Variants in GPR158 observed in about 807,000 individuals in gnomAD.
The protein encoded by GPR158 is G protein-coupled receptor 158.
Under a neutral mutation model 78.2 loss-of-function variants are expected in GPR158, and 30 were observed. The observed-to-expected ratio is 0.38, with a 90% CI of 0.29 to 0.52. The LOEUF (loss-of-function observed/expected upper bound fraction) is 0.52, where lower values mean the gene tolerates loss of function less well. GPR158 is among the 20% of genes least tolerant of loss of function. The probability of loss-of-function intolerance (pLI) is 0.83; values close to 1 mark genes in which losing one functional copy is unlikely to be tolerated. For synonymous variants in GPR158, 581 were observed against 591.1 expected (o/e 0.98, Z 0.25); for missense variants, 1,463 against 1,523.5 (o/e 0.96, Z 0.66).
At chr10:25,521,819 G>GA (rs913040538) in intron 5 of GPR158, among the ~76,000 whole-genome samples, 6 of 152,174 alleles carry the variant, frequency 3.9e-5, no homozygotes, top group South Asian at 4.1e-4. Context: ...AGCAATGGCA[G>GA]AAAAAAATCC....
chr10:25,444,429 GTGTA>G (rs1310967745), intron 4 of GPR158, among the ~76,000 whole-genome samples: 1 of 151,646 alleles, frequency 6.6e-6, no homozygotes, highest in African/African-American at 2.4e-5. Context: ...GTGTATGTGT[GTGTA>G]TGTGGTGTTT....
At chr10:25,303,756 A>C (rs113906521) in intron 2 of GPR158, among the ~76,000 whole-genome samples, 1,901 of 152,314 alleles carry the variant, frequency 0.012, 47 homozygotes, top group African/African-American at 0.043. Context: ...ATTAACCTAG[A>C]GACATGGATT....
chr10:25,260,065 A>G (rs1334681474), intron 2 of GPR158, among the ~76,000 whole-genome samples: 1 of 152,102 alleles, frequency 6.6e-6, no homozygotes, highest in African/African-American at 2.4e-5. Flanking sequence ...CTCTAGTACA[A>G]TGTTGAATAC....
At chr10:25,563,983 A>ATT (rs1314421684) in intron 6 of GPR158, among the ~76,000 whole-genome samples, 3 of 151,430 alleles carry the variant, frequency 2.0e-5, no homozygotes, top group African/African-American at 7.3e-5. Flanking sequence ...GAACATTTTG[A>ATT]ATATTATATT....
chr10:25,486,594 G>T (rs1259730695), intron 5 of GPR158, among the ~76,000 whole-genome samples: 1 of 152,078 alleles, frequency 6.6e-6, no homozygotes, highest in Non-Finnish European at 1.5e-5. Flanking sequence ...CTAAAACGTG[G>T]TTTTTTGGAC....
intron 5 of GPR158, among the ~76,000 whole-genome samples, chr10:25,548,070 G>A (rs981624891): frequency 1.1e-4 from 17 of 152,060 alleles, no homozygotes; most frequent in African/African-American, 4.1e-4. Flanking sequence ...GGATACTAAT[G>A]ATTAGGAAGC....
chr10:25,317,716 G>GTTTTGTTTTTT lies in GPR158; in HGVS notation c.1009-78191_1009-78190insGTTTTTTTTTT, dbSNP rs1554793351. ...TTAAATTCTGTTTTCTTCGTAAAGT[G>GTTTTGTTTTTT]TTTTTTTTTGTTTTGTTTTGTTTTG... On this transcript the variant is annotated intron_variant, in intron 2 of 10. Transcript: ENST00000376351. 1.6e-3 allele frequency among the ~76,000 whole-genome samples: 211 copies of GTTTTGTTTTTT among 134,020 alleles called. 9 individuals are homozygous for GTTTTGTTTTTT. The highest frequency in any genetic ancestry group is 3.9e-3 in the Middle Eastern group (1 of 254). 87.9% of individuals were successfully genotyped at this position (134,020 alleles called of 152,430 possible). A position where few individuals can be genotyped will look rare whatever the true frequency, so the allele number is the denominator to read the frequency against.
In GPR158 at chr10:25,379,317, T is replaced by C. The variant is rs568975081; in HGVS notation, c.1009-16594T>C. On this transcript the variant is annotated intron_variant, in intron 2 of 10. Coordinates refer to ENST00000376351, the MANE Select transcript of GPR158 (RefSeq NM_020752.3). ...CAGTGGTTCTGGATGCATTATCTTT[T>C]TCCAGAGAGGCTTTAACCTATCTCT... 2.6e-4 allele frequency among the ~76,000 whole-genome samples: 40 copies of C among 152,330 alleles called. No homozygotes were observed. The South Asian group carries it at 4.6e-3, about 17-fold the overall frequency.
chr10:25,426,087 GT>G (rs1834816946), intron 4 of GPR158, among the ~76,000 whole-genome samples: 2 of 152,090 alleles, frequency 1.3e-5, no homozygotes, highest in African/African-American at 4.8e-5. Context: ...TGACGCTAAG[GT>G]TGCATAGTTT....
At chr10:25,344,414 A>C (rs1312708785) in intron 2 of GPR158, among the ~76,000 whole-genome samples, 9 of 151,884 alleles carry the variant, frequency 5.9e-5, no homozygotes, top group East Asian at 3.9e-4. Flanking sequence ...TAACACTTAA[A>C]ATCTACTCTC....
At chr10:25,194,081 T>C (rs115539630) in intron 1 of GPR158, among the ~76,000 whole-genome samples, 342 of 152,340 alleles carry the variant, frequency 2.2e-3, no homozygotes, top group African/African-American at 7.9e-3. Flanking sequence ...AGATGACATC[T>C]GGCAGGTCCC....
At chr10:25,473,334 A>G (rs1326417495) in intron 5 of GPR158, among the ~76,000 whole-genome samples, 1 of 152,014 alleles carries the variant, frequency 6.6e-6, no homozygotes, top group Non-Finnish European at 1.5e-5. Flanking sequence ...AAGCTTTTTG[A>G]TGTGCTGCTG....
At chr10:25,241,280 C>CTTTCTTTTCT (rs1176603776) in intron 2 of GPR158, among the ~76,000 whole-genome samples, 1 of 24,626 alleles carries the variant, frequency 4.1e-5, no homozygotes, top group Non-Finnish European at 9.0e-5. Context: ...TCCTTTCTTT[C>CTTTCTTTTCT]TTTCTTTTCT....
At chr10:25,446,855 G>T (rs16925881) in intron 4 of GPR158, among the ~76,000 whole-genome samples, 3,225 of 152,226 alleles carry the variant, frequency 0.021, 123 homozygotes, top group African/African-American at 0.073. Flanking sequence ...CAACTTTTTT[G>T]TATCTGTAGT....
intron 4 of GPR158, among the ~76,000 whole-genome samples, chr10:25,446,675 C>T (rs1214174331): frequency 6.6e-6 from 1 of 152,172 alleles, no homozygotes; most frequent in Non-Finnish European, 1.5e-5. Flanking sequence ...TTAATTATTT[C>T]ATGCTCAAAT....
At chr10:25,485,670 AT>A in intron 5 of GPR158, among the ~76,000 whole-genome samples, 1 of 152,188 alleles carries the variant, frequency 6.6e-6, no homozygotes, top group Non-Finnish European at 1.5e-5. Context: ...AAATATCACT[AT>A]TGACAAATCT....
chr10:25,410,866 A>C (rs1296936384), intron 3 of GPR158, among the ~76,000 whole-genome samples: 2 of 152,198 alleles, frequency 1.3e-5, no homozygotes, highest in Admixed American at 1.3e-4. Flanking sequence ...TATTGTCTTT[A>C]CTGAGGAAAC....
rs554639099 is a variant in GPR158 at position 25,264,862 on chromosome 10, G to A, written c.1008+43705G>A. ...CTATATGTGGGGTTCATGCTTTCTT[G>A]AAAGTAGAATTGATACTCTGCGAAC... On this transcript the variant is annotated intron_variant, in intron 2 of 10. Transcript: ENST00000376351. Among the ~76,000 whole-genome samples, 4 of 152,208 alleles carry A rather than the reference G, an allele frequency of 2.6e-5. No individual in the cohort carries two copies. In the South Asian group the frequency reaches 8.3e-4, roughly 32 times the overall value.
At chr10:25,429,094 T>C (rs955277560) in intron 4 of GPR158, among the ~76,000 whole-genome samples, 1 of 152,020 alleles carries the variant, frequency 6.6e-6, no homozygotes, top group African/African-American at 2.4e-5. Flanking sequence ...GAGGATGAAA[T>C]ACTATATCTG....
Sources: allele counts gnomAD v4.1 joint callset (sites outside exome capture counted in the v4.1 genomes callset), GRCh38; gene constraint gnomAD v4.1.1; transcripts MANE v1.5; gene names NCBI Gene and HGNC (gene_info 2026-07-23, HGNC 2026-07-21).